Variants in ADAMTSL1 observed in about 807,000 individuals in gnomAD.
ADAMTSL1 encodes the protein ADAMTS-like protein 1.
A neutral mutation model predicts 201.8 loss-of-function variants in ADAMTSL1; 126 were observed. That is an observed-to-expected ratio of 0.62 (90% CI 0.54 to 0.72). The LOEUF is 0.72. ADAMTSL1 is among the 30% of genes least tolerant of loss of function. The pLI is 0.00. For missense variants in ADAMTSL1, 2,679 were observed against 2,277.8 expected (o/e 1.18, Z -3.59); for synonymous variants, 1,121 against 903.4 (o/e 1.24, Z -4.32).
chr9:18,479,841 G>A (rs1821633345), intron 1 of ADAMTSL1, among the ~76,000 whole-genome samples: 1 of 152,120 alleles, frequency 6.6e-6, no homozygotes, highest in Non-Finnish European at 1.5e-5. Flanking sequence ...AAGTAGGAAG[G>A]AAAAATGTCA....
At chr9:18,845,790 G>A (rs954789329) in intron 23 of ADAMTSL1, among the ~76,000 whole-genome samples, 23 of 152,196 alleles carry the variant, frequency 1.5e-4, no homozygotes, top group African/African-American at 5.1e-4. Flanking sequence ...GGTTAAGACT[G>A]GGACAATATA....
In ADAMTSL1 at chr9:18,538,831, G is replaced by C. The variant is rs577878192; in HGVS notation, c.237+5539G>C. ...TATATCACAAAGTCAGGAAACACTTGGTGCTTTATGTCAAGGATCAAATGG... is the reference window on the plus strand; with the variant it reads ...TATATCACAAAGTCAGGAAACACTTCGTGCTTTATGTCAAGGATCAAATGG... On this transcript the variant is annotated intron_variant, in intron 3 of 28. Transcript: ENST00000380548. Among the ~76,000 whole-genome samples, 11 of 152,244 alleles carry C rather than the reference G, an allele frequency of 7.2e-5. No homozygotes were observed. In the South Asian group the frequency reaches 2.3e-3, roughly 32 times the overall value.
intron 2 of ADAMTSL1, among the ~76,000 whole-genome samples, chr9:18,366,060 A>G (rs1015366086): frequency 6.6e-6 from 1 of 152,126 alleles, no homozygotes; most frequent in African/African-American, 2.4e-5. Context: ...GGACCACTGT[A>G]TTTTGAGTGT....
intron 19 of ADAMTSL1, among the ~76,000 whole-genome samples, chr9:18,791,908 G>A (rs761652948): frequency 2.0e-5 from 3 of 152,090 alleles, no homozygotes; most frequent in Non-Finnish European, 4.4e-5. Context: ...CAGCCTTGTA[G>A]GAATTCTTTT....
chr9:18,259,697 C>G (rs1437145798), intron 2 of ADAMTSL1, among the ~76,000 whole-genome samples: 1 of 152,154 alleles, frequency 6.6e-6, no homozygotes, highest in African/African-American at 2.4e-5. Flanking sequence ...CTAAATGTGC[C>G]AAACTCAAGT....
chr9:18,665,333 C>A (rs1282626441), intron 9 of ADAMTSL1, among the ~76,000 whole-genome samples: 1 of 152,044 alleles, frequency 6.6e-6, no homozygotes, highest in Non-Finnish European at 1.5e-5. Flanking sequence ...TTGAACTAAT[C>A]AACTAAAATC....
intron 15 of ADAMTSL1, 55 bp from the exon 16 acceptor site, chr9:18,753,243 C>T (rs1819560143): frequency 4.6e-6 from 7 of 1,526,102 alleles, no homozygotes; most frequent in Admixed American, 3.8e-5. Context: ...TCATGGGAAA[C>T]ATTCTCTGCA....
At chr9:18,414,115 T>A (rs977469251) in intron 2 of ADAMTSL1, among the ~76,000 whole-genome samples, 2 of 152,178 alleles carry the variant, frequency 1.3e-5, no homozygotes. Context: ...ACTATTCAAG[T>A]ATGAGTGTAA....
intron 1 of ADAMTSL1, among the ~76,000 whole-genome samples, chr9:18,083,057 C>T (rs974278445): frequency 2.0e-5 from 3 of 152,172 alleles, no homozygotes; most frequent in African/African-American, 7.2e-5. Context: ...AAAAGTGCAT[C>T]TTTATTGCAA....
At chr9:18,807,427 G>T (rs1405387985) in intron 20 of ADAMTSL1, among the ~76,000 whole-genome samples, 1 of 152,000 alleles carries the variant, frequency 6.6e-6, no homozygotes, top group Non-Finnish European at 1.5e-5. Context: ...GGCGGATCAC[G>T]AGGTCAGGAG....
intron 4 of ADAMTSL1, among the ~76,000 whole-genome samples, chr9:18,609,974 G>A (rs1318891861): frequency 6.6e-6 from 1 of 152,310 alleles, no homozygotes; most frequent in South Asian, 2.1e-4. Context: ...TCCAGGTTGA[G>A]TTGTTGGTTG....
intron 1 of ADAMTSL1, among the ~76,000 whole-genome samples, chr9:17,930,150 C>A (rs896370287): frequency 1.3e-5 from 2 of 152,116 alleles, no homozygotes; most frequent in Non-Finnish European, 2.9e-5. Context: ...CAAAATTTCT[C>A]GGTCACATAA....
intron 5 of ADAMTSL1, among the ~76,000 whole-genome samples, chr9:18,626,619 G>A (rs1224995310): frequency 6.6e-6 from 1 of 152,092 alleles, no homozygotes; most frequent in African/African-American, 2.4e-5. Context: ...TGAATGAAAT[G>A]GGAAGTTGTT....
rs148984853 is a variant in ADAMTSL1, at chr9:18,271,207, G to C, written c.207+107226G>C. Among the ~76,000 whole-genome samples, 800 of 152,232 alleles carry C rather than the reference G, an allele frequency of 5.3e-3. 9 individuals are homozygous for C. The highest frequency in any genetic ancestry group is 0.018 in the African/African-American group (756 of 41,540). ...TACATATATATTTATTATACTTTAA[G>C]TTCTAGGGTACATGTGCACAACGTG... On this transcript the variant is annotated intron_variant, in intron 2 of 29. Transcript: ENST00000680146.
chr9:18,291,743 TCTCTCACACA>T lies in ADAMTSL1; in HGVS notation c.207+127764_207+127773del, dbSNP rs1397388906. ...CTCTCTCTCTCTCTCTCTCTCTCTC[TCTCTCACACA>T]CACACACACACACACACACACACAC... On this transcript the variant is annotated intron_variant, in intron 2 of 29. Coordinates refer to the ADAMTSL1 transcript ENST00000680146. 4.2e-3 allele frequency among the ~76,000 whole-genome samples: 486 copies of T among 114,640 alleles called. 1 individual carries two copies. Among genetic ancestry groups the T allele is most frequent in the African/African-American group, 0.016 (463 of 29,720 alleles). 75.2% of individuals were successfully genotyped at this position (114,640 alleles called of 152,430 possible).
At chr9:18,081,919 T>C (rs757847566) in intron 1 of ADAMTSL1, among the ~76,000 whole-genome samples, 58 of 152,334 alleles carry the variant, frequency 3.8e-4, no homozygotes, top group Non-Finnish European at 7.1e-4. Context: ...ACATTTTATA[T>C]GCACTTATGA....
chr9:18,129,637 T>G (rs1825869108), intron 1 of ADAMTSL1, among the ~76,000 whole-genome samples: 1 of 152,156 alleles, frequency 6.6e-6, no homozygotes, highest in Admixed American at 6.5e-5. Flanking sequence ...GTTTATTAAG[T>G]TAATCTTATT....
intron 1 of ADAMTSL1, among the ~76,000 whole-genome samples, chr9:18,042,565 C>T (rs1821473779): frequency 6.6e-6 from 1 of 152,102 alleles, no homozygotes; most frequent in Non-Finnish European, 1.5e-5. Context: ...AAGCTCACTT[C>T]TTCATTGCTA....
rs575004771 is a variant in ADAMTSL1, at chr9:18,462,731, G to A, written c.208-42098G>A. Among the ~76,000 whole-genome samples, 39 of 152,146 alleles carry A rather than the reference G, an allele frequency of 2.6e-4. No individual in the cohort carries two copies. In the East Asian group the frequency reaches 4.6e-3, roughly 18 times the overall value. On this transcript the variant is annotated intron_variant, in intron 2 of 29. Coordinates refer to the ADAMTSL1 transcript ENST00000680146. ...AGGTGGGTGGATTACCTGAGGTCAG[G>A]AGTTTGAGACCAGCCTGGGTAACAT...
Sources: allele counts gnomAD v4.1 joint callset (sites outside exome capture counted in the v4.1 genomes callset), GRCh38; gene constraint gnomAD v4.1.1; transcripts MANE v1.5; gene names NCBI Gene and HGNC (gene_info 2026-07-23, HGNC 2026-07-21).